The following FAM227B variants were observed in gnomAD, a reference collection of about 807,000 sequenced individuals.
FAM227B encodes the protein family with sequence similarity 227 member B, also known as protein FAM227B.
FAM227B carries 88 observed loss-of-function variants against 73.8 expected under a neutral mutation model. That is an observed-to-expected ratio of 1.19 (90% CI 1.00 to 1.42). The LOEUF is 1.42. FAM227B is among the 40% of genes most tolerant of loss of function. The probability of loss-of-function intolerance (pLI) is 0.00; values close to 1 mark genes in which losing one functional copy is unlikely to be tolerated. For missense variants in FAM227B, 632 were observed against 590.9 expected (o/e 1.07, Z -0.72); for synonymous variants, 210 against 190.5 (o/e 1.10, Z -0.84).
chr15:49,469,184 A>T (rs1314645819), intron 11 of FAM227B, among the ~76,000 whole-genome samples: 2 of 152,198 alleles, frequency 1.3e-5, no homozygotes, highest in African/African-American at 2.4e-5. Context: ...TTATTTTCTT[A>T]TAAGACATTT....
chr15:49,404,799 T>C (rs139289278), intron 11 of FAM227B, among the ~76,000 whole-genome samples: 1 of 151,388 alleles, frequency 6.6e-6, no homozygotes, highest in Non-Finnish European at 1.5e-5. Context: ...TTTGATCCTG[T>C]CATCATGATG....
At chr15:49,559,942 GA>G (rs57124305) in intron 9 of FAM227B, among the ~76,000 whole-genome samples, 23 of 146,560 alleles carry the variant, frequency 1.6e-4, no homozygotes, top group East Asian at 2.0e-4. Flanking sequence ...AGACTGTCTC[GA>G]AAAAAAAAAA....
intron 11 of FAM227B, among the ~76,000 whole-genome samples, chr15:49,391,539 A>G (rs917687677): frequency 6.6e-6 from 1 of 152,148 alleles, no homozygotes; most frequent in African/African-American, 2.4e-5. Flanking sequence ...TAAAGGGAAT[A>G]TGAAATCTGA....
chr15:49,345,544 A>G (rs1213855863), intron 13 of FAM227B, among the ~76,000 whole-genome samples: 1 of 152,250 alleles, frequency 6.6e-6, no homozygotes, highest in Non-Finnish European at 1.5e-5. Flanking sequence ...GACCATATAC[A>G]TTATGAACAA....
At chr15:49,585,891 T>C (rs184445792) in intron 5 of FAM227B, among the ~76,000 whole-genome samples, 2 of 152,050 alleles carry the variant, frequency 1.3e-5, no homozygotes, top group East Asian at 1.9e-4. Context: ...TACAAACAAA[T>C]GGAAAAACGT....
intron 10 of FAM227B, among the ~76,000 whole-genome samples, chr15:49,527,975 G>A (rs901898951): frequency 2.0e-5 from 3 of 151,608 alleles, no homozygotes; most frequent in Non-Finnish European, 3.0e-5. Flanking sequence ...AATTACTAAT[G>A]TCTTTTTTTG....
intron 13 of FAM227B, among the ~76,000 whole-genome samples, chr15:49,357,971 A>G (rs1173152304): frequency 6.6e-6 from 1 of 152,046 alleles, no homozygotes; most frequent in Non-Finnish European, 1.5e-5. Context: ...ATATAAACAG[A>G]GCCAAAGACA....
chr15:49,603,256 T>C (rs1386989631), intron 3 of FAM227B, among the ~76,000 whole-genome samples: 5 of 152,188 alleles, frequency 3.3e-5, no homozygotes, highest in Admixed American at 3.3e-4. Context: ...TTAACAATAT[T>C]GATTATTCCA....
intron 5 of FAM227B, among the ~76,000 whole-genome samples, chr15:49,585,564 C>T (rs972791898): frequency 1.3e-5 from 2 of 152,072 alleles, no homozygotes; most frequent in East Asian, 1.9e-4. Flanking sequence ...AAGATGGAAA[C>T]CATCATTCTC....
chr15:49,560,253 C>CTA (rs1453268080), intron 9 of FAM227B, among the ~76,000 whole-genome samples: 2 of 151,996 alleles, frequency 1.3e-5, no homozygotes, highest in Non-Finnish European at 2.9e-5. Context: ...TATCAATAGT[C>CTA]TAGACTAAGC....
At chr15:49,366,246 C>CTA in intron 13 of FAM227B, 1 of 786,042 alleles carries the variant, frequency 1.3e-6, no homozygotes, top group Non-Finnish European at 2.4e-6. Flanking sequence ...TGCTTCATAT[C>CTA]TATAAAGTCT....
chr15:49,383,967 T>G (rs11070691), intron 11 of FAM227B, among the ~76,000 whole-genome samples: 152,122 of 152,150 alleles, frequency 1, 76,048 homozygotes, highest in Middle Eastern at 1. Context: ...CTGTTTCTTG[T>G]TTTAACATCC....
At chr15:49,331,652 C>T in intron 15 of FAM227B, 128 bp downstream of exon 15, 1 of 622,016 alleles carries the variant, frequency 1.6e-6, no homozygotes, top group Non-Finnish European at 2.9e-6. Flanking sequence ...GATTAAGTAA[C>T]AAGAATGTAT....
chr15:49,542,158 T>G (rs2071158725), intron 9 of FAM227B, among the ~76,000 whole-genome samples: 1 of 152,164 alleles, frequency 6.6e-6, no homozygotes, highest in Non-Finnish European at 1.5e-5. Flanking sequence ...TATTCAAGGG[T>G]ACATGTGCAG....
chr15:49,408,255 T>C (rs773334124), intron 11 of FAM227B, among the ~76,000 whole-genome samples: 1 of 152,244 alleles, frequency 6.6e-6, no homozygotes, highest in Non-Finnish European at 1.5e-5. Flanking sequence ...AGGTATTCTG[T>C]ACTTTCTTCT....
intron 10 of FAM227B, among the ~76,000 whole-genome samples, chr15:49,540,716 T>C (rs910967026): frequency 6.6e-6 from 1 of 152,196 alleles, no homozygotes; most frequent in Non-Finnish European, 1.5e-5. Flanking sequence ...AGCATATGAA[T>C]TTTGGGGAAG....
chr15:49,561,746 GT>G (rs1307034473), intron 9 of FAM227B, among the ~76,000 whole-genome samples: 1 of 151,978 alleles, frequency 6.6e-6, no homozygotes, highest in East Asian at 1.9e-4. Context: ...CTCCTAAATA[GT>G]TTTTTGGTAA....
intron 12 of FAM227B, among the ~76,000 whole-genome samples, chr15:49,369,772 T>G (rs1247293473): frequency 2.0e-5 from 3 of 152,180 alleles, no homozygotes; most frequent in Admixed American, 2.0e-4. Context: ...AAACTTATAC[T>G]TTTTTTGAGC....
Position 49,328,664 on chromosome 15 carries a change from A to G in FAM227B, c.1431T>C (p.Ala477=). 6.4e-7 allele frequency: 1 copy of G among 1,564,042 alleles called. No individual in the cohort carries two copies. Among genetic ancestry groups the G allele is most frequent in the Non-Finnish European group, 8.7e-7 (1 of 1,151,712 alleles). The change falls in exon 16 of 16, where the codon GCT becomes GCC. Residue 477 remains alanine, a synonymous_variant. Coordinates refer to ENST00000299338, the MANE Select transcript of FAM227B (RefSeq NM_152647.3). Reference sequence around the variant, plus strand: ...ATGCCACACATTCTCTCTCAATTTCAGCTTCGGAACGCTATGAAAATAATA... The same window carrying G: ...ATGCCACACATTCTCTCTCAATTTCGGCTTCGGAACGCTATGAAAATAATA... ...EKFLHKLRSE[A]EIERECVASL...
Sources: gnomAD v4.1 joint callset for allele counts (sites outside exome capture counted in the v4.1 genomes callset) on GRCh38, gnomAD v4.1.1 for gene constraint, MANE v1.5 for transcripts, NCBI Gene and HGNC (gene_info 2026-07-23, HGNC 2026-07-21) for gene names.